The following GRM7 variants were observed in gnomAD, a reference collection of about 807,000 sequenced individuals.
The protein encoded by GRM7 is metabotropic glutamate receptor 7.
GRM7 carries 35 observed loss-of-function variants against 84.5 expected under a neutral mutation model. That is an observed-to-expected ratio of 0.41 (90% confidence interval 0.32 to 0.55). GRM7 has a LOEUF of 0.55. GRM7 is among the 20% of genes least tolerant of loss of function. The pLI is 0.19. For missense variants in GRM7, 1,003 were observed against 1,194.6 expected (o/e 0.84, Z 2.36); for synonymous variants, 487 against 455.1 (o/e 1.07, Z -0.89).
chr3:7,213,970 T>C (rs970029971), intron 2 of GRM7, among the ~76,000 whole-genome samples: 2 of 152,220 alleles, frequency 1.3e-5, no homozygotes, highest in South Asian at 4.1e-4. Context: ...ATATTTGACT[T>C]CTTGCTAAGT....
At chr3:7,314,100 T>C (rs939688876) in intron 4 of GRM7, among the ~76,000 whole-genome samples, 18 of 152,182 alleles carry the variant, frequency 1.2e-4, no homozygotes, top group African/African-American at 4.3e-4. Flanking sequence ...GAGGGTTTCA[T>C]TGAATAAGCA....
intron 1 of GRM7, among the ~76,000 whole-genome samples, chr3:7,051,242 G>T (rs1696988801): frequency 6.6e-6 from 1 of 151,630 alleles, no homozygotes; most frequent in Non-Finnish European, 1.5e-5. Context: ...TTACAAAAAC[G>T]TTCAAACTCT....
chr3:7,035,497 A>G (rs530996878), intron 1 of GRM7, among the ~76,000 whole-genome samples: 1 of 152,296 alleles, frequency 6.6e-6, no homozygotes, highest in East Asian at 1.9e-4. Flanking sequence ...GGCCTATACA[A>G]AGAGCTGCAC....
intron 1 of GRM7, among the ~76,000 whole-genome samples, chr3:7,070,942 AT>A (rs1477349792): frequency 6.6e-6 from 1 of 152,048 alleles, no homozygotes; most frequent in African/African-American, 2.4e-5. Flanking sequence ...TTTTACTTTA[AT>A]TTGCTTTTTA....
intron 7 of GRM7, among the ~76,000 whole-genome samples, chr3:7,550,573 CTCTCTGTGTG>C (rs766918930): frequency 0.15 from 9,027 of 59,444 alleles, 351 homozygotes; most frequent in Non-Finnish European, 0.23. Flanking sequence ...CTCTCTCTCT[CTCTCTGTGTG>C]TGTGTGTGTG....
chr3:7,478,293 A>G (rs940578254), intron 7 of GRM7, among the ~76,000 whole-genome samples: 1 of 152,110 alleles, frequency 6.6e-6, no homozygotes, highest in Non-Finnish European at 1.5e-5. Flanking sequence ...CTTAGGTGGA[A>G]ATCTTTCCCA....
chr3:7,079,740 T>C (rs58888198), intron 1 of GRM7, among the ~76,000 whole-genome samples: 1,662 of 152,218 alleles, frequency 0.011, 24 homozygotes, highest in African/African-American at 0.038. Flanking sequence ...TTTTGAGATA[T>C]ATGTTGAATA....
chr3:6,925,127 T>G (rs1020360217), intron 1 of GRM7, among the ~76,000 whole-genome samples: 1 of 152,132 alleles, frequency 6.6e-6, no homozygotes, highest in Non-Finnish European at 1.5e-5. Context: ...AAGACTTACT[T>G]TTGGGCAATC....
At chr3:7,691,902 G>A (rs752809735) in intron 9 of GRM7, among the ~76,000 whole-genome samples, 4 of 151,936 alleles carry the variant, frequency 2.6e-5, no homozygotes, top group African/African-American at 4.8e-5. Flanking sequence ...CTCATGATCC[G>A]CCCACCTCAG....
chr3:7,314,386 G>A (rs144173798), intron 4 of GRM7, among the ~76,000 whole-genome samples: 3 of 151,254 alleles, frequency 2.0e-5, no homozygotes, highest in African/African-American at 7.3e-5. Context: ...ATATTGCAAA[G>A]TTATAAGTAA....
intron 7 of GRM7, among the ~76,000 whole-genome samples, chr3:7,533,785 T>C (rs1309514076): frequency 6.6e-6 from 1 of 152,216 alleles, no homozygotes; most frequent in African/African-American, 2.4e-5. Context: ...GATAATGCCA[T>C]GGCCTATGTT....
intron 8 of GRM7, among the ~76,000 whole-genome samples, chr3:7,657,472 A>T (rs1257282405): frequency 2.0e-5 from 3 of 152,232 alleles, no homozygotes; most frequent in Non-Finnish European, 4.4e-5. Context: ...CAGCTACAAC[A>T]TGTTATTGGA....
At chr3:7,038,644 G>T (rs971221761) in intron 1 of GRM7, among the ~76,000 whole-genome samples, 1 of 152,120 alleles carries the variant, frequency 6.6e-6, no homozygotes, top group Non-Finnish European at 1.5e-5. Context: ...GATGTGTTCT[G>T]CAATGTTTAT....
chr3:7,592,709 T>C (rs1695854844), intron 8 of GRM7, among the ~76,000 whole-genome samples: 1 of 152,208 alleles, frequency 6.6e-6, no homozygotes, highest in Non-Finnish European at 1.5e-5. Context: ...CCAGTAAAGA[T>C]TACACATTTT....
At chr3:7,459,167 T>C (rs779720) in intron 6 of GRM7, among the ~76,000 whole-genome samples, 66,193 of 151,986 alleles carry the variant, frequency 0.44, 14,710 homozygotes, top group South Asian at 0.63. Flanking sequence ...AATGGTGCTT[T>C]GGCCACACAC....
intron 1 of GRM7, among the ~76,000 whole-genome samples, chr3:6,912,617 C>T (rs548010723): frequency 2.4e-4 from 37 of 152,230 alleles, no homozygotes; most frequent in South Asian, 6.2e-4. Flanking sequence ...TGTTAGGAAG[C>T]TTTAACTTCA....
chr3:7,538,114 A>T (rs547319381), intron 7 of GRM7, among the ~76,000 whole-genome samples: 1 of 151,974 alleles, frequency 6.6e-6, no homozygotes, highest in Admixed American at 6.6e-5. Context: ...TTTTATTTTT[A>T]TTATTATTTT....
chr3:7,655,812 A>G lies in GRM7; in HGVS notation c.2452-24237A>G, dbSNP rs374775521. ...GAAAAAACTTCTCACCCTGAATGGA[A>G]ATCTGTTTACCCATGCACTTTTCAG... On this transcript the variant is annotated intron_variant, in intron 8 of 9. Coordinates refer to ENST00000357716, the MANE Select transcript of GRM7 (RefSeq NM_000844.4). Among the ~76,000 whole-genome samples, 434 of 152,250 alleles carry G rather than the reference A, an allele frequency of 2.9e-3. 7 individuals carry two copies. The highest frequency in any genetic ancestry group is 0.017 in the Middle Eastern group (5 of 294).
chr3:7,525,718 C>A lies in GRM7; in HGVS notation c.1516-52704C>A, dbSNP rs141739752. Among the ~76,000 whole-genome samples, 524 of 152,178 alleles carry A rather than the reference C, an allele frequency of 3.4e-3. 5 individuals carry two copies. The highest frequency in any genetic ancestry group is 0.012 in the African/African-American group (500 of 41,518). On this transcript the variant is annotated intron_variant, in intron 7 of 9. Coordinates refer to ENST00000357716, the MANE Select transcript of GRM7 (RefSeq NM_000844.4). Reference sequence around the variant, plus strand: ...CCTTTTTCTCCTCTCGTCCTCCCCACTTTTTGATTCCTTGGTGACTAGTGG... The same window carrying A: ...CCTTTTTCTCCTCTCGTCCTCCCCAATTTTTGATTCCTTGGTGACTAGTGG...
Sources: gnomAD v4.1 joint callset for allele counts (sites outside exome capture counted in the v4.1 genomes callset) on GRCh38, gnomAD v4.1.1 for gene constraint, MANE v1.5 for transcripts, NCBI Gene and HGNC (gene_info 2026-07-23, HGNC 2026-07-21) for gene names.